The following CNMD variants were observed in gnomAD, a reference collection of about 807,000 sequenced individuals.
The protein encoded by CNMD is leukocyte cell-derived chemotaxin 1.
A neutral mutation model predicts 37.5 loss-of-function variants in CNMD; 30 were observed. That is an observed-to-expected ratio of 0.80 (90% CI 0.60 to 1.09). The LOEUF is 1.09. Among genes scored for constraint, CNMD ranks in the 50% least tolerant of loss-of-function variants. The pLI is 0.00. For missense variants in CNMD, 398 were observed against 423.9 expected (o/e 0.94, Z 0.54); for synonymous variants, 167 against 148.2 (o/e 1.13, Z -0.92).
intron 3 of CNMD, among the ~76,000 whole-genome samples, chr13:52,731,007 T>G (rs1310196998): frequency 2.6e-5 from 4 of 152,186 alleles, no homozygotes; most frequent in African/African-American, 9.6e-5. Context: ...TGGGCTGAAC[T>G]GGGCTACTTA....
intron 3 of CNMD, among the ~76,000 whole-genome samples, chr13:52,732,829 T>C (rs1964696192): frequency 6.6e-6 from 1 of 152,228 alleles, no homozygotes. Flanking sequence ...AACCTGCTCT[T>C]TTCAATGCTA....
chr13:52,717,619 G>T (rs1022368093), intron 4 of CNMD, among the ~76,000 whole-genome samples: 1 of 152,160 alleles, frequency 6.6e-6, no homozygotes, highest in African/African-American at 2.4e-5. Flanking sequence ...TTTGTCATTG[G>T]TTCTGTTTAG....
chr13:52,706,589 T>G (rs917221668), intron 6 of CNMD, among the ~76,000 whole-genome samples: 1 of 152,192 alleles, frequency 6.6e-6, no homozygotes, highest in African/African-American at 2.4e-5. Context: ...TAACTAAATT[T>G]CTGTACATTT....
At chr13:52,722,676 C>T (rs1011613722) in intron 4 of CNMD, among the ~76,000 whole-genome samples, 1 of 152,100 alleles carries the variant, frequency 6.6e-6, no homozygotes, top group African/African-American at 2.4e-5. Context: ...TTTGTAAGCC[C>T]TAAACTACCA....
chr13:52,705,878 G>GCT (rs1964166150), intron 6 of CNMD, among the ~76,000 whole-genome samples: 3 of 151,852 alleles, frequency 2.0e-5, no homozygotes, highest in Non-Finnish European at 4.4e-5. Flanking sequence ...AGCTCTCTAG[G>GCT]GAATAAACAG....
Position 52,728,975 on chromosome 13 carries a change from C to T in CNMD, c.354+4244G>A, listed in dbSNP as rs1481779367. On this transcript the variant is annotated intron_variant, in intron 3 of 6. Transcript: ENST00000377962. ...AAGCACAAGAAAGCCAAGCAAACCT[C>T]CTGTTTTTGCAAACAAACAGGCTTT... is the stretch of plus-strand genomic sequence containing the variant. 2.0e-5 allele frequency among the ~76,000 whole-genome samples: 3 copies of T among 152,182 alleles called. No homozygotes were observed. The East Asian group carries it at 5.8e-4, about 29-fold the overall frequency.
chr13:52,728,235 A>C (rs971604990), intron 3 of CNMD, among the ~76,000 whole-genome samples: 1 of 151,926 alleles, frequency 6.6e-6, no homozygotes, highest in Non-Finnish European at 1.5e-5. Flanking sequence ...AAAATACAAA[A>C]ATTAGTTGGG....
At chr13:52,720,644 G>C (rs1964466560) in intron 4 of CNMD, among the ~76,000 whole-genome samples, 1 of 152,202 alleles carries the variant, frequency 6.6e-6, no homozygotes, top group African/African-American at 2.4e-5. Flanking sequence ...CTGCAGAACA[G>C]CAAAAATTGC....
At chr13:52,715,416 T>C (rs1964358219) in intron 4 of CNMD, among the ~76,000 whole-genome samples, 1 of 152,176 alleles carries the variant, frequency 6.6e-6, no homozygotes, top group Non-Finnish European at 1.5e-5. Flanking sequence ...GTTTGTTACA[T>C]AGGTATACAC....
At position 52,739,650 on chromosome 13, in the gene CNMD, C is replaced by T. The variant is rs1247574287; in HGVS notation, c.52G>A (p.Val18Met). The change falls in exon 1 of 7, where the codon GTG becomes ATG. Residue 18 changes from valine (V) to methionine (M), a missense_variant. Transcript: ENST00000377962. This position sits in a 1 kb window ranked among gnomAD's most constrained non-coding sequence, Gnocchi z 5.4. ...VPIALVGPDD[V>M]EFCSPPAYAT... ...CTCACCGGGGGGCTGCAGAATTCCA[C>T]GTCATCAGGTCCCACCAGGGCAATG... 1 of 1,614,164 alleles carries T rather than the reference C, an allele frequency of 6.2e-7. No homozygotes were observed. The highest frequency in any genetic ancestry group is 8.5e-7 in the Non-Finnish European group (1 of 1,179,984).
intron 3 of CNMD, among the ~76,000 whole-genome samples, chr13:52,724,379 C>T (rs1328681967): frequency 7.6e-6 from 1 of 132,438 alleles, no homozygotes; most frequent in Non-Finnish European, 1.5e-5. Context: ...CAAGACCATC[C>T]TGGCTAACAC....
At chr13:52,736,449 C>T (rs935233859) in intron 2 of CNMD, among the ~76,000 whole-genome samples, 1 of 152,178 alleles carries the variant, frequency 6.6e-6, no homozygotes, top group African/African-American at 2.4e-5. Context: ...CTTTTATGTG[C>T]ACTGCACCAT....
In CNMD at chr13:52,739,256, C is replaced by T. The variant is rs935550995; in HGVS notation, c.73-85G>A. The T allele has an allele frequency of 5.6e-5, 77 of 1,383,272 alleles. No individual in the cohort carries two copies. In the South Asian group the frequency reaches 7.2e-4, roughly 13 times the overall value. 85.7% of individuals were successfully genotyped at this position (1,383,272 alleles called of 1,614,324 possible). Reference sequence around the variant, plus strand: ...AGCGCACCCGGGCCCCACGCGGTAGCCCCCAGGGAGTGGGGAGTCGGGCGG... The same window carrying T: ...AGCGCACCCGGGCCCCACGCGGTAGTCCCCAGGGAGTGGGGAGTCGGGCGG... On this transcript the variant is annotated intron_variant, in intron 1 of 6. Transcript: ENST00000377962. This position sits in a 1 kb window ranked among gnomAD's most constrained non-coding sequence, Gnocchi z 5.4.
At chr13:52,732,725 T>C (rs1377685666) in intron 3 of CNMD, among the ~76,000 whole-genome samples, 1 of 152,224 alleles carries the variant, frequency 6.6e-6, no homozygotes, top group African/African-American at 2.4e-5. Context: ...TTGGATTGTT[T>C]TGAGCATTTT....
intron 3 of CNMD, among the ~76,000 whole-genome samples, chr13:52,724,662 C>T (rs1050668194): frequency 3.3e-5 from 5 of 152,004 alleles, no homozygotes; most frequent in Admixed American, 6.6e-5. Flanking sequence ...TTTGGGAGGC[C>T]GACGCGGGCA....
In CNMD at chr13:52,708,663, A is replaced by G. The variant is rs1035043953; in HGVS notation, c.662T>C (p.Val221Ala). 2 of 1,611,600 alleles carry G rather than the reference A, an allele frequency of 1.2e-6. No individual in the cohort carries two copies. Among genetic ancestry groups the G allele is most frequent in the South Asian group, 1.1e-5 (1 of 90,108 alleles). ...RERREVVRKI[V>A]PTTTKRPHSG... ...GTGTGGTCTTTTTGTGGTAGTTGGAACAATTTTTCTTACCACTTCTCTTCT... is the reference window on the plus strand; with the variant it reads ...GTGTGGTCTTTTTGTGGTAGTTGGAGCAATTTTTCTTACCACTTCTCTTCT... Residue 221 changes from valine to alanine, a missense_variant, in exon 6 of 7, where the codon GTT (valine) becomes GCT (alanine). By Grantham distance (64) the Val-to-Ala change is moderately conservative. Transcript: ENST00000377962.
At chr13:52,733,855 A>G (rs925840565) in intron 2 of CNMD, among the ~76,000 whole-genome samples, 2 of 152,212 alleles carry the variant, frequency 1.3e-5, no homozygotes, top group Non-Finnish European at 2.9e-5. Context: ...CAGTTTCACA[A>G]GTTGTTTTCA....
In CNMD at chr13:52,725,851, G is replaced by GT. The variant is rs1395200776; in HGVS notation, c.355-1742dup. ...TTTACAATGAAGAAGAAAATTAAAT[G>GT]TAAGTCATGCTGGAGGGGATTAATG... On this transcript the variant is annotated intron_variant, in intron 3 of 6. Transcript: ENST00000377962. Among the ~76,000 whole-genome samples the GT allele has an allele frequency of 2.0e-5, 3 of 152,312 alleles. No individual in the cohort carries two copies. The East Asian group carries it at 5.8e-4, about 29-fold the overall frequency.
chr13:52,703,621 C>T lies in CNMD; in HGVS notation c.979G>A (p.Val327Met). Reference sequence around the variant, plus strand: ...CACACCATGCCCAAGATACGGGCCACCCACCAGCTACATGGCATGATGACT... The same window carrying T: ...CACACCATGCCCAAGATACGGGCCATCCACCAGCTACATGGCATGATGACT... ...CRVIMPCSWWVARILGMV is the reference protein window; with the variant it reads ...CRVIMPCSWWMARILGMV The change falls in exon 7 of 7, where the codon GTG becomes ATG. Residue 327 changes from valine to methionine, a missense_variant. Coordinates refer to ENST00000377962, the MANE Select transcript of CNMD (RefSeq NM_007015.3). The T allele has an allele frequency of 6.2e-7, 1 of 1,612,804 alleles. No homozygotes were observed. The highest frequency in any genetic ancestry group is 8.5e-7 in the Non-Finnish European group (1 of 1,179,092).
Sources: allele counts gnomAD v4.1 joint callset (sites outside exome capture counted in the v4.1 genomes callset), GRCh38; gene constraint gnomAD v4.1.1; non-coding constraint Gnocchi (gnomAD v3.1); transcripts MANE v1.5; gene names NCBI Gene and HGNC (gene_info 2026-07-23, HGNC 2026-07-21).